Variants in KCNU1 observed in about 807,000 individuals in gnomAD.
KCNU1 encodes the protein potassium calcium-activated channel subfamily U member 1.
A neutral mutation model predicts 126.8 loss-of-function variants in KCNU1; 93 were observed. That is an observed-to-expected ratio of 0.73 (90% CI 0.62 to 0.87). The LOEUF is 0.87. Among genes scored for constraint, KCNU1 ranks in the 40% least tolerant of loss-of-function variants. KCNU1 has a pLI of 0.00. For synonymous variants in KCNU1, 523 were observed against 494.2 expected, an observed-to-expected ratio of 1.06 and a Z score of -0.77; for missense variants, 1,330 against 1,367.1, an observed-to-expected ratio of 0.97 and a Z score of 0.43.
intron 1 of KCNU1, 70 bp downstream of exon 1, chr8:36,784,675 A>G: frequency 1.7e-6 from 2 of 1,175,216 alleles, no homozygotes; most frequent in Non-Finnish European, 2.4e-6. Flanking sequence ...TGTGTTTAGT[A>G]AAAGATCTAA....
chr8:36,879,355 T>TTTTTTC (rs1343441816), intron 19 of KCNU1, among the ~76,000 whole-genome samples: 2 of 151,692 alleles, frequency 1.3e-5, no homozygotes, highest in Non-Finnish European at 1.5e-5. Context: ...TACTAGGTAC[T>TTTTTTC]CAGTGGTATA....
At chr8:36,897,264 C>T (rs1807230963) in intron 19 of KCNU1, among the ~76,000 whole-genome samples, 1 of 151,982 alleles carries the variant, frequency 6.6e-6, no homozygotes, top group African/African-American at 2.4e-5. Context: ...CCCTCTCTCT[C>T]TCCCTCTATT....
chr8:36,811,865 G>C (rs117766806), intron 7 of KCNU1, among the ~76,000 whole-genome samples: 1 of 152,042 alleles, frequency 6.6e-6, no homozygotes, highest in South Asian at 2.1e-4. Flanking sequence ...GCAGGAGTTC[G>C]AGACCAGCCT....
Position 36,817,814 on chromosome 8 carries a change from G to A in KCNU1, c.1106+54G>A, listed in dbSNP as rs1353303109. ...CTAAATTAATACTTAAAATACGTGT[G>A]AATATTTTTAATGCAAGAAAATTAC... is the stretch of plus-strand genomic sequence containing the variant. On this transcript the variant is annotated intron_variant, in intron 10 of 26. Transcript: ENST00000399881. 3.7e-5 allele frequency: 32 copies of A among 865,532 alleles called. No individual in the cohort carries two copies. In the East Asian group the frequency reaches 7.2e-4, roughly 19 times the overall value. 53.6% of individuals were successfully genotyped at this position (865,532 alleles called of 1,614,324 possible).
chr8:36,887,670 T>G (rs2117429166), intron 19 of KCNU1, among the ~76,000 whole-genome samples: 1 of 152,218 alleles, frequency 6.6e-6, no homozygotes, highest in South Asian at 2.1e-4. Context: ...AGAACAGAGA[T>G]TAGTTAGTCA....
chr8:36,873,914 A>G (rs895318142), intron 19 of KCNU1, among the ~76,000 whole-genome samples: 3 of 152,190 alleles, frequency 2.0e-5, no homozygotes, highest in Non-Finnish European at 4.4e-5. Flanking sequence ...ATTTACAACA[A>G]CAACAACAGG....
rs1585579774 is a variant in KCNU1 at position 36,929,119 on chromosome 8, T to C, written c.2737-1832T>C. 8 of 645,994 alleles carry C rather than the reference T, an allele frequency of 1.2e-5. No homozygotes were observed. The East Asian group carries it at 2.0e-4, about 16-fold the overall frequency. 40.0% of individuals were successfully genotyped at this position (645,994 alleles called of 1,614,324 possible). On this transcript the variant is annotated intron_variant, in intron 24 of 26. Transcript: ENST00000399881. ...ACAATCAGCCAGACACAGTGGCTCA[T>C]GCCTGTAATCCCAGCACTTTGGGAG...
chr8:36,819,327 A>G (rs1350602643), intron 10 of KCNU1, among the ~76,000 whole-genome samples: 1 of 152,168 alleles, frequency 6.6e-6, no homozygotes, highest in African/African-American at 2.4e-5. Flanking sequence ...ACTCAAAGGC[A>G]AACAAACAAA....
At chr8:36,902,619 G>T (rs1304405394) in intron 19 of KCNU1, among the ~76,000 whole-genome samples, 1 of 152,096 alleles carries the variant, frequency 6.6e-6, no homozygotes, top group Non-Finnish European at 1.5e-5. Flanking sequence ...GTAAACACAT[G>T]TTCTGAGGAT....
chr8:36,898,518 A>G (rs916461185), intron 19 of KCNU1, among the ~76,000 whole-genome samples: 3 of 151,942 alleles, frequency 2.0e-5, no homozygotes, highest in Non-Finnish European at 2.9e-5. Context: ...AAAGGGAGGT[A>G]GTTTTCAGAT....
rs574558040 is a variant in KCNU1, at chr8:36,790,079, C to T, written c.315+2654C>T. The stretch of plus-strand genomic sequence containing the variant: ...TGATTATATTTTAAGGTTCAAGAGG[C>T]ACTAAAGGCTGAAAATAAAGGAACT... On this transcript the variant is annotated intron_variant, in intron 2 of 26. Coordinates refer to ENST00000399881, the MANE Select transcript of KCNU1 (RefSeq NM_001031836.3). 3.0e-4 allele frequency among the ~76,000 whole-genome samples: 45 copies of T among 152,186 alleles called. No homozygotes were observed. The Middle Eastern group carries it at 0.01, about 35-fold the overall frequency.
At chr8:36,935,058 C>T (rs755515694) in intron 26 of KCNU1, among the ~76,000 whole-genome samples, 5 of 152,082 alleles carry the variant, frequency 3.3e-5, no homozygotes, top group Non-Finnish European at 5.9e-5. Flanking sequence ...AAATATATGT[C>T]ATCTTTCTGT....
intron 2 of KCNU1, among the ~76,000 whole-genome samples, chr8:36,802,416 C>T (rs1585390205): frequency 6.6e-6 from 1 of 152,154 alleles, no homozygotes; most frequent in African/African-American, 2.4e-5. Flanking sequence ...TACTTTGTGG[C>T]TCATTGTTGG....
chr8:36,886,447 C>T (rs923661402), intron 19 of KCNU1, among the ~76,000 whole-genome samples: 2 of 152,164 alleles, frequency 1.3e-5, no homozygotes, highest in African/African-American at 2.4e-5. Flanking sequence ...TAAAAGGTTA[C>T]AGCCTGTAAG....
chr8:36,849,624 C>A (rs537155512), intron 18 of KCNU1, among the ~76,000 whole-genome samples: 1 of 151,910 alleles, frequency 6.6e-6, no homozygotes, highest in African/African-American at 2.4e-5. Context: ...CCACCAAAAA[C>A]CTCATTTCTT....
intron 22 of KCNU1, among the ~76,000 whole-genome samples, chr8:36,915,568 T>C (rs1437466224): frequency 6.6e-6 from 1 of 152,254 alleles, no homozygotes; most frequent in African/African-American, 2.4e-5. Flanking sequence ...TTCTACAATG[T>C]TGACTCATGG....
chr8:36,930,607 T>C (rs1168320384), intron 24 of KCNU1, among the ~76,000 whole-genome samples: 1 of 152,130 alleles, frequency 6.6e-6, no homozygotes, highest in African/African-American at 2.4e-5. Context: ...ACATCGATGA[T>C]GATTAGGGTA....
intron 10 of KCNU1, among the ~76,000 whole-genome samples, chr8:36,829,646 A>G (rs988115655): frequency 6.6e-6 from 1 of 150,974 alleles, no homozygotes; most frequent in Non-Finnish European, 1.5e-5. Flanking sequence ...TTTATCATGT[A>G]TATTATTTTA....
chr8:36,799,857 T>C (rs889508109), intron 2 of KCNU1, among the ~76,000 whole-genome samples: 3 of 152,046 alleles, frequency 2.0e-5, no homozygotes, highest in Admixed American at 2.0e-4. Context: ...CTTTTAATTA[T>C]AATTTTTATC....
Sources: allele counts gnomAD v4.1 joint callset (sites outside exome capture counted in the v4.1 genomes callset), GRCh38; gene constraint gnomAD v4.1.1; transcripts MANE v1.5; gene names NCBI Gene and HGNC (gene_info 2026-07-23, HGNC 2026-07-21).